Variants in TOM1L2 observed in about 807,000 individuals in gnomAD.
The protein encoded by TOM1L2 is target of myb1 like 2 membrane trafficking protein, also known as TOM1-like protein 2.
A neutral mutation model predicts 67.9 loss-of-function variants in TOM1L2; 31 were observed. That is an observed-to-expected ratio of 0.46 (90% confidence interval 0.34 to 0.62). The LOEUF (loss-of-function observed/expected upper bound fraction) is 0.62. Among genes scored for constraint, TOM1L2 ranks in the 20% least tolerant of loss-of-function variants. The probability of loss-of-function intolerance (pLI) is 0.01; values close to 1 mark genes in which losing one functional copy is unlikely to be tolerated. For missense variants in TOM1L2, 606 were observed against 663.5 expected (o/e 0.91, Z 0.95); for synonymous variants, 256 against 254.0 (o/e 1.01, Z -0.07).
chr17:17,952,583 C>T (rs1158691778), intron 1 of TOM1L2, among the ~76,000 whole-genome samples: 1 of 151,842 alleles, frequency 6.6e-6, no homozygotes, highest in Non-Finnish European at 1.5e-5. Context: ...TTTGTAGCAA[C>T]AAGGTCTTAC....
At chr17:17,959,248 TCTTGTGGGACTGAGC>T (rs2041591436) in intron 1 of TOM1L2, among the ~76,000 whole-genome samples, 1 of 152,188 alleles carries the variant, frequency 6.6e-6, no homozygotes, top group Non-Finnish European at 1.5e-5. Flanking sequence ...GTGGGGGCAG[TCTTGTGGGACTGAGC>T]CCTTAACCTC....
chr17:17,860,431 C>A (rs1480070218), intron 12 of TOM1L2, among the ~76,000 whole-genome samples: 1 of 152,198 alleles, frequency 6.6e-6, no homozygotes, highest in Admixed American at 6.5e-5. Flanking sequence ...GCCCTCAGAT[C>A]CACCAGGTGA....
At chr17:17,884,856 G>A (rs2037913930) in intron 4 of TOM1L2, 88 bp from the exon 5 acceptor site, 2 of 1,552,774 alleles carry the variant, frequency 1.3e-6, no homozygotes, top group Non-Finnish European at 1.8e-6. Flanking sequence ...CTCTCCCCGA[G>A]ACCAGTGCTC....
At chr17:17,971,364 A>G (rs2042072269) in intron 1 of TOM1L2, among the ~76,000 whole-genome samples, 1 of 152,180 alleles carries the variant, frequency 6.6e-6, no homozygotes, top group Admixed American at 6.5e-5. Flanking sequence ...CCAGGCTTCC[A>G]TGATTCCCAG....
chr17:17,919,246 C>T (rs1271119625), intron 1 of TOM1L2, among the ~76,000 whole-genome samples: 2 of 152,196 alleles, frequency 1.3e-5, no homozygotes, highest in African/African-American at 4.8e-5. Flanking sequence ...CTGACAGAGC[C>T]TCTAATACAG....
chr17:17,879,279 A>G (rs1186146500), intron 7 of TOM1L2, among the ~76,000 whole-genome samples: 2 of 152,224 alleles, frequency 1.3e-5, no homozygotes, highest in African/African-American at 2.4e-5. Context: ...AAAAGTCAGA[A>G]AGAAAATACA....
chr17:17,963,071 CAT>C (rs1455209199), intron 1 of TOM1L2, among the ~76,000 whole-genome samples: 1 of 150,966 alleles, frequency 6.6e-6, no homozygotes, highest in Admixed American at 6.6e-5. Flanking sequence ...TGATGTAAAA[CAT>C]AACAACACAT....
intron 2 of TOM1L2, among the ~76,000 whole-genome samples, chr17:17,901,561 GC>G (rs1317620319): frequency 1.3e-5 from 2 of 152,182 alleles, no homozygotes; most frequent in Non-Finnish European, 2.9e-5. Context: ...TTGTCCTTCA[GC>G]TTCAGGACTA....
rs937704815 is a variant in TOM1L2, at chr17:17,845,304, C to G, written c.*2331G>C. 1 of 152,264 alleles carries G rather than the reference C, an allele frequency of 6.6e-6. No homozygotes were observed. Among genetic ancestry groups the G allele is most frequent in the Non-Finnish European group, 1.5e-5 (1 of 68,054 alleles). The allele number at this position is 152,264 out of a possible 1,614,324, so 9.4% of individuals were successfully genotyped here. On this transcript the variant is annotated 3_prime_UTR_variant, in exon 15 of 15. Coordinates refer to ENST00000379504, the MANE Select transcript of TOM1L2 (RefSeq NM_001082968.2). ...TACAGGTCCACCACTCCCTGCTGCC[C>G]CTGGGGCAGCCAGGCCTCTCCAATG...
At chr17:17,874,258 C>CTTAT (rs879740241) in intron 7 of TOM1L2, among the ~76,000 whole-genome samples, 21 of 150,604 alleles carry the variant, frequency 1.4e-4, no homozygotes, top group East Asian at 3.9e-4. Flanking sequence ...CCAGCCATTA[C>CTTAT]TTATTTATTT....
chr17:17,951,025 C>T (rs1248078384), intron 1 of TOM1L2, among the ~76,000 whole-genome samples: 2 of 152,112 alleles, frequency 1.3e-5, no homozygotes, highest in Non-Finnish European at 2.9e-5. Flanking sequence ...AGGATGTCTC[C>T]AGGGATCTAC....
At chr17:17,883,706 C>T (rs1180496380) in intron 5 of TOM1L2, among the ~76,000 whole-genome samples, 3 of 152,156 alleles carry the variant, frequency 2.0e-5, no homozygotes, top group Non-Finnish European at 4.4e-5. Context: ...TGCACTCCAG[C>T]CTGGGCGACA....
chr17:17,953,352 G>A (rs2041289592), intron 1 of TOM1L2, among the ~76,000 whole-genome samples: 1 of 152,204 alleles, frequency 6.6e-6, no homozygotes, highest in African/African-American at 2.4e-5. Context: ...AAAGACTGCA[G>A]AGAGTCATTC....
chr17:17,848,493 T>G (rs144342105), intron 14 of TOM1L2, among the ~76,000 whole-genome samples: 177 of 152,346 alleles, frequency 1.2e-3, no homozygotes, highest in African/African-American at 4.2e-3. Flanking sequence ...AGGGTGCTGC[T>G]GCGCACCTCC....
intron 1 of TOM1L2, among the ~76,000 whole-genome samples, chr17:17,969,110 G>A (rs752600188): frequency 1.9e-4 from 28 of 149,578 alleles, no homozygotes; most frequent in East Asian, 1.4e-3. Context: ...AGGCTGGAGC[G>A]CGGTGGCACA....
chr17:17,958,806 A>T (rs1316716251), intron 1 of TOM1L2, among the ~76,000 whole-genome samples: 1 of 152,230 alleles, frequency 6.6e-6, no homozygotes, highest in African/African-American at 2.4e-5. Flanking sequence ...AGAAAGACCA[A>T]GGTACATTTC....
At position 17,972,351 on chromosome 17, in the gene TOM1L2, C is replaced by A; in HGVS notation, c.-38G>T. On this transcript the variant is annotated 5_prime_UTR_variant, in exon 1 of 15. Coordinates refer to ENST00000379504, the MANE Select transcript of TOM1L2 (RefSeq NM_001082968.2). ...ACACGCAGCGGCCCGGGCCCCCTGT[C>A]TGCCACCTAGGCCTCCGCTGTAACC... 6.5e-7 allele frequency: 1 copy of A among 1,548,614 alleles called. No individual in the cohort carries two copies. Among genetic ancestry groups the A allele is most frequent in the Non-Finnish European group, 8.7e-7 (1 of 1,146,722 alleles).
chr17:17,901,110 C>A (rs1406108988), intron 2 of TOM1L2, among the ~76,000 whole-genome samples: 1 of 152,188 alleles, frequency 6.6e-6, no homozygotes, highest in Non-Finnish European at 1.5e-5. Flanking sequence ...AATGAAAATT[C>A]ATCCATAGGC....
intron 2 of TOM1L2, among the ~76,000 whole-genome samples, chr17:17,904,162 G>A (rs955853077): frequency 6.6e-6 from 1 of 152,132 alleles, no homozygotes; most frequent in African/African-American, 2.4e-5. Flanking sequence ...CCTCACAGCA[G>A]AGGCAACAAG....
Sources: allele counts gnomAD v4.1 joint callset (sites outside exome capture counted in the v4.1 genomes callset), GRCh38; gene constraint gnomAD v4.1.1; transcripts MANE v1.5; gene names NCBI Gene and HGNC (gene_info 2026-07-23, HGNC 2026-07-21).